GABRG1: variants seen among roughly 807,000 people sequenced by gnomAD.
GABRG1 encodes the protein gamma-aminobutyric acid receptor subunit gamma-1.
A neutral mutation model predicts 49.8 loss-of-function variants in GABRG1; 49 were observed. That is an observed-to-expected ratio of 0.98 (90% CI 0.78 to 1.25). GABRG1 has a LOEUF of 1.25. GABRG1 is among the 50% of genes most tolerant of loss of function. GABRG1 has a pLI of 0.00. For missense variants in GABRG1, 552 were observed against 552.3 expected (o/e 1.00, Z 0.01); for synonymous variants, 232 against 185.1 (o/e 1.25, Z -2.06).
chr4:46,114,146 T>A (rs188057058), intron 1 of GABRG1, among the ~76,000 whole-genome samples: 67 of 151,196 alleles, frequency 4.4e-4, no homozygotes, highest in African/African-American at 1.4e-3. Context: ...AATTTTTCAC[T>A]GTACAAAAGC....
chr4:46,061,169 A>G (rs565229912), intron 5 of GABRG1, among the ~76,000 whole-genome samples: 1 of 152,192 alleles, frequency 6.6e-6, no homozygotes, highest in African/African-American at 2.4e-5. Flanking sequence ...CAATTATTGC[A>G]TATGAACTTT....
At chr4:46,113,262 G>A (rs1392807940) in intron 1 of GABRG1, among the ~76,000 whole-genome samples, 1 of 151,086 alleles carries the variant, frequency 6.6e-6, no homozygotes, top group Non-Finnish European at 1.5e-5. Context: ...AACTGGGAAG[G>A]CTTCAGTAAA....
chr4:46,058,762 A>G (rs1279330344), intron 5 of GABRG1, 140 bp from the exon 6 acceptor site: 2 of 629,342 alleles, frequency 3.2e-6, no homozygotes, highest in Non-Finnish European at 5.4e-6. Flanking sequence ...TTTGAATACA[A>G]TAAATATTAA....
At chr4:46,078,766 T>C (rs1041549091) in intron 3 of GABRG1, among the ~76,000 whole-genome samples, 1 of 151,962 alleles carries the variant, frequency 6.6e-6, no homozygotes, top group East Asian at 1.9e-4. Context: ...TATTTGACCA[T>C]AGATTTTGGT....
intron 4 of GABRG1, among the ~76,000 whole-genome samples, chr4:46,064,917 A>C (rs758369563): frequency 6.6e-6 from 1 of 152,178 alleles, no homozygotes; most frequent in Non-Finnish European, 1.5e-5. Context: ...GATGGTTCTT[A>C]ATAAGCAGAT....
chr4:46,083,706 C>T (rs1719654250), intron 3 of GABRG1, among the ~76,000 whole-genome samples: 1 of 150,648 alleles, frequency 6.6e-6, no homozygotes, highest in Non-Finnish European at 1.5e-5. Context: ...TTTTTCTTTC[C>T]AGATTTCTTC....
At chr4:46,115,924 A>T (rs981120446) in intron 1 of GABRG1, among the ~76,000 whole-genome samples, 13 of 150,192 alleles carry the variant, frequency 8.7e-5, no homozygotes, top group African/African-American at 3.2e-4. Context: ...GTACGGTGGC[A>T]TGTTTTTAGA....
At chr4:46,075,409 TG>T (rs1467684916) in intron 3 of GABRG1, among the ~76,000 whole-genome samples, 1 of 152,076 alleles carries the variant, frequency 6.6e-6, no homozygotes, top group Non-Finnish European at 1.5e-5. Context: ...TTGCCCGAGC[TG>T]GTTTTGAACT....
intron 8 of GABRG1, among the ~76,000 whole-genome samples, chr4:46,049,247 T>C (rs1438602957): frequency 6.6e-6 from 1 of 151,906 alleles, no homozygotes; most frequent in African/African-American, 2.4e-5. Context: ...AGCCCTTAAA[T>C]AGAGGATTTG....
At chr4:46,043,833 ATC>A (rs1445984130) in intron 8 of GABRG1, among the ~76,000 whole-genome samples, 1 of 151,998 alleles carries the variant, frequency 6.6e-6, no homozygotes, top group Non-Finnish European at 1.5e-5. Flanking sequence ...TTAAGGATAT[ATC>A]TCTGTCTAGT....
At chr4:46,070,320 T>C (rs1719069092) in intron 3 of GABRG1, among the ~76,000 whole-genome samples, 1 of 151,904 alleles carries the variant, frequency 6.6e-6, no homozygotes, top group Admixed American at 6.6e-5. Context: ...TATTATATAA[T>C]ATTCTGTATA....
intron 1 of GABRG1, among the ~76,000 whole-genome samples, chr4:46,117,797 T>C (rs985045293): frequency 7.3e-5 from 10 of 137,680 alleles, no homozygotes; most frequent in Admixed American, 1.5e-4. Context: ...TATACATATA[T>C]ACATATGTAT....
chr4:46,086,748 GA>G (rs2109424561), intron 2 of GABRG1, among the ~76,000 whole-genome samples: 1 of 151,588 alleles, frequency 6.6e-6, no homozygotes, highest in South Asian at 2.1e-4. Context: ...ACAATTCCAA[GA>G]AAGCAAGCAA....
intron 1 of GABRG1, among the ~76,000 whole-genome samples, chr4:46,122,222 AAACAAAACATGTT>A (rs1560378954): frequency 6.6e-6 from 1 of 152,086 alleles, no homozygotes; most frequent in Non-Finnish European, 1.5e-5. Context: ...ATATTCCCCA[AAACAAAACATGTT>A]TATTTAAAAT....
intron 1 of GABRG1, among the ~76,000 whole-genome samples, chr4:46,110,447 T>C (rs1045887230): frequency 6.6e-6 from 1 of 151,088 alleles, no homozygotes; most frequent in Non-Finnish European, 1.5e-5. Context: ...TGGATGGGTC[T>C]TGTTAATCTA....
rs1314423907 is a variant in GABRG1 at position 46,040,860 on chromosome 4, T to TA, written c.*127dup. On this transcript the variant is annotated 3_prime_UTR_variant, in exon 9 of 9. Transcript: ENST00000295452. ...TTACTTCTGAAGGCCTTAAAATAGT[T>TA]ACAATACTATTCACATTTTAACCAT... is the stretch of plus-strand genomic sequence containing the variant. 1 of 987,238 alleles carries TA rather than the reference T, an allele frequency of 1.0e-6. No homozygotes were observed. Among genetic ancestry groups the TA allele is most frequent in the East Asian group, 2.4e-5 (1 of 41,084 alleles). The allele number at this position is 987,238 out of a possible 1,614,324, so 61.2% of individuals were successfully genotyped here. A position where few individuals can be genotyped will look rare whatever the true frequency, so the allele number is the denominator to read the frequency against.
intron 2 of GABRG1, among the ~76,000 whole-genome samples, chr4:46,096,726 G>C (rs1720175336): frequency 6.6e-6 from 1 of 151,620 alleles, no homozygotes; most frequent in African/African-American, 2.4e-5. Flanking sequence ...GTTTAAGCAA[G>C]CATCATACCT....
intron 2 of GABRG1, among the ~76,000 whole-genome samples, chr4:46,087,843 AC>A (rs2109425256): frequency 6.6e-6 from 1 of 152,126 alleles, no homozygotes; most frequent in Admixed American, 6.6e-5. Flanking sequence ...TTGACAATCA[AC>A]CTTTCCAGGT....
intron 1 of GABRG1, among the ~76,000 whole-genome samples, chr4:46,099,222 T>C (rs1720295805): frequency 6.6e-6 from 1 of 151,698 alleles, no homozygotes; most frequent in Non-Finnish European, 1.5e-5. Flanking sequence ...CCTGTTGAAC[T>C]CAGGTCTGAC....
Sources: gnomAD v4.1 joint callset for allele counts (sites outside exome capture counted in the v4.1 genomes callset) on GRCh38, gnomAD v4.1.1 for gene constraint, MANE v1.5 for transcripts, NCBI Gene and HGNC (gene_info 2026-07-23, HGNC 2026-07-21) for gene names.